The following FHIT variants were observed in gnomAD, a reference collection of about 807,000 sequenced individuals.
FHIT encodes the protein bis(5'-adenosyl)-triphosphatase.
Under a neutral mutation model 17.9 loss-of-function variants are expected in FHIT, and 19 were observed. The ratio of observed to expected loss-of-function variants is 1.06; its 90% CI spans 0.74 to 1.56. The LOEUF is 1.56. Ranked by LOEUF, FHIT falls within the 40% of genes most tolerant of loss-of-function variation. The probability of loss-of-function intolerance (pLI) is 0.00; values close to 1 mark genes in which losing one functional copy is unlikely to be tolerated. For missense variants in FHIT, 248 were observed against 189.2 expected, an observed-to-expected ratio of 1.31 and a Z score of -1.82; for synonymous variants, 81 against 69.7, an observed-to-expected ratio of 1.16 and a Z score of -0.81.
At chr3:60,149,985 CCTT>C (rs1243127390) in intron 5 of FHIT, among the ~76,000 whole-genome samples, 580 of 50,896 alleles carry the variant, frequency 0.011, 21 homozygotes, top group African/African-American at 0.037. Flanking sequence ...AACCTTTAAG[CCTT>C]TTTTTTTTTT....
intron 5 of FHIT, among the ~76,000 whole-genome samples, chr3:60,243,256 C>T (rs1705225531): frequency 6.6e-6 from 1 of 152,016 alleles, no homozygotes. Flanking sequence ...AGTTAACACT[C>T]AATGAATGCT....
At chr3:59,752,425 G>C in intron 8 of FHIT, 104 bp from the exon 9 acceptor site, 1 of 666,050 alleles carries the variant, frequency 1.5e-6, no homozygotes, top group Non-Finnish European at 2.6e-6. Flanking sequence ...GCAAATTAGA[G>C]GCCAGTAGGT....
chr3:59,967,327 G>T (rs1707973313), intron 7 of FHIT, among the ~76,000 whole-genome samples: 2 of 152,118 alleles, frequency 1.3e-5, no homozygotes, highest in South Asian at 4.1e-4. Flanking sequence ...TAGTAACATA[G>T]TCGTTTATTA....
At chr3:60,670,736 T>C (rs1331572433) in intron 4 of FHIT, among the ~76,000 whole-genome samples, 2 of 152,198 alleles carry the variant, frequency 1.3e-5, no homozygotes, top group Non-Finnish European at 2.9e-5. Flanking sequence ...CTATTTAATT[T>C]GAAAGCAAGC....
At chr3:60,130,487 T>C (rs1197107308) in intron 5 of FHIT, among the ~76,000 whole-genome samples, 2 of 152,050 alleles carry the variant, frequency 1.3e-5, no homozygotes, top group East Asian at 3.9e-4. Flanking sequence ...TGATGGGATA[T>C]GGATGTAAGA....
intron 2 of FHIT, among the ~76,000 whole-genome samples, chr3:61,193,361 G>A (rs2038769121): frequency 6.6e-6 from 1 of 152,110 alleles, no homozygotes. Context: ...ATGGGATACT[G>A]GGAAAATGAC....
chr3:60,984,494 G>A (rs959490915), intron 3 of FHIT, among the ~76,000 whole-genome samples: 2 of 152,238 alleles, frequency 1.3e-5, no homozygotes, highest in Middle Eastern at 3.4e-3. Flanking sequence ...GCTATCATAT[G>A]GTACCAAGAA....
At chr3:59,771,801 C>T (rs114822867) in intron 8 of FHIT, among the ~76,000 whole-genome samples, 7 of 152,286 alleles carry the variant, frequency 4.6e-5, no homozygotes, top group East Asian at 1.9e-4. Flanking sequence ...TGCTCTAAAA[C>T]GGGAGTGCTT....
intron 7 of FHIT, among the ~76,000 whole-genome samples, chr3:59,997,863 A>G (rs145148630): frequency 2.0e-5 from 3 of 152,258 alleles, no homozygotes; most frequent in African/African-American, 7.2e-5. Flanking sequence ...TGATAAATAT[A>G]AGCCCTTCTG....
intron 2 of FHIT, among the ~76,000 whole-genome samples, chr3:61,088,264 G>T (rs976492655): frequency 2.0e-5 from 3 of 152,028 alleles, no homozygotes; most frequent in Non-Finnish European, 4.4e-5. Context: ...ATAATAGAAG[G>T]GACTCTGTCT....
At chr3:60,445,845 C>A (rs1310688777) in intron 5 of FHIT, among the ~76,000 whole-genome samples, 8 of 151,764 alleles carry the variant, frequency 5.3e-5, no homozygotes, top group Non-Finnish European at 1.0e-4. Flanking sequence ...TATCCCTCTA[C>A]TCATCTTCCT....
chr3:60,574,591 G>T (rs782231159), intron 4 of FHIT, among the ~76,000 whole-genome samples: 7 of 151,924 alleles, frequency 4.6e-5, no homozygotes, highest in Non-Finnish European at 8.8e-5. Flanking sequence ...ATCCCAGGCT[G>T]GGAATGGCTG....
At chr3:60,051,517 A>G (rs569587715) in intron 5 of FHIT, among the ~76,000 whole-genome samples, 1 of 152,084 alleles carries the variant, frequency 6.6e-6, no homozygotes, top group East Asian at 1.9e-4. Flanking sequence ...GTGGAAGTAC[A>G]TTTCCGTAAG....
intron 5 of FHIT, among the ~76,000 whole-genome samples, chr3:60,100,319 G>C (rs1175111419): frequency 6.6e-6 from 1 of 152,102 alleles, no homozygotes; most frequent in Non-Finnish European, 1.5e-5. Flanking sequence ...GGGAGGTGGA[G>C]GTTGCACTGA....
chr3:59,961,556 G>T (rs1170136062), intron 7 of FHIT, among the ~76,000 whole-genome samples: 1 of 152,116 alleles, frequency 6.6e-6, no homozygotes, highest in African/African-American at 2.4e-5. Context: ...CATCTGTGGG[G>T]AATCTCCTGG....
chr3:60,373,639 T>C (rs1228801010), intron 5 of FHIT, among the ~76,000 whole-genome samples: 4 of 152,094 alleles, frequency 2.6e-5, no homozygotes, highest in Non-Finnish European at 5.9e-5. Flanking sequence ...TTGGTGGTAG[T>C]AGGGAGACCA....
At chr3:61,081,414 A>C (rs1191904732) in intron 2 of FHIT, among the ~76,000 whole-genome samples, 1 of 152,232 alleles carries the variant, frequency 6.6e-6, no homozygotes, top group Non-Finnish European at 1.5e-5. Context: ...TCCTGGCTGA[A>C]AGCAGAATGA....
At chr3:60,154,024 G>A (rs1038019023) in intron 5 of FHIT, among the ~76,000 whole-genome samples, 7 of 152,138 alleles carry the variant, frequency 4.6e-5, no homozygotes, top group African/African-American at 1.7e-4. Flanking sequence ...AACAAACAGG[G>A]GCACTAATGG....
chr3:60,234,332 A>G (rs1236388906), intron 5 of FHIT, among the ~76,000 whole-genome samples: 1 of 152,346 alleles, frequency 6.6e-6, no homozygotes, highest in South Asian at 2.1e-4. Flanking sequence ...ACATATGTCA[A>G]CATAATGAAT....
Sources: gnomAD v4.1 joint callset for allele counts (sites outside exome capture counted in the v4.1 genomes callset) on GRCh38, gnomAD v4.1.1 for gene constraint, MANE v1.5 for transcripts, NCBI Gene and HGNC (gene_info 2026-07-23, HGNC 2026-07-21) for gene names.